The following ACVR1C variants were observed in gnomAD, a reference collection of about 807,000 sequenced individuals.
The protein encoded by ACVR1C is activin receptor type-1C.
Under a neutral mutation model 57.9 loss-of-function variants are expected in ACVR1C, and 23 were observed. The ratio of observed to expected loss-of-function variants is 0.40; its 90% CI spans 0.29 to 0.56. The LOEUF is 0.56. ACVR1C is among the 20% of genes least tolerant of loss of function. The pLI is 0.50. For missense variants in ACVR1C, 480 were observed against 607.9 expected, an observed-to-expected ratio of 0.79 and a Z score of 2.21; for synonymous variants, 214 against 215.3, an observed-to-expected ratio of 0.99 and a Z score of 0.05.
chr2:157,627,337 T>C (rs1682919005), intron 1 of ACVR1C, among the ~76,000 whole-genome samples: 1 of 152,212 alleles, frequency 6.6e-6, no homozygotes, highest in South Asian at 2.1e-4. Context: ...TAACTCTAAA[T>C]GCAAATATTT....
rs1486221614 is a variant in ACVR1C at position 157,628,560 on chromosome 2, C to G, written c.73+12G>C. ...ACCCTCGCGGGCGTCGGGAGAGAAA[C>G]CAGCACCGTACCTGGCGAGAGCTCG... On this transcript the variant is annotated intron_variant, in intron 1 of 8. Coordinates refer to ENST00000243349, the MANE Select transcript of ACVR1C (RefSeq NM_145259.3). 1 of 1,606,990 alleles carries G rather than the reference C, an allele frequency of 6.2e-7. No individual in the cohort carries two copies. The highest frequency in any genetic ancestry group is 1.1e-5 in the South Asian group (1 of 90,102).
intron 2 of ACVR1C, among the ~76,000 whole-genome samples, chr2:157,560,654 T>C (rs953055592): frequency 2.0e-5 from 3 of 152,246 alleles, no homozygotes; most frequent in Non-Finnish European, 2.9e-5. Flanking sequence ...TCATTTTTCA[T>C]AGGAGGACCT....
chr2:157,542,839 C>T lies in ACVR1C; in HGVS notation c.967G>A (p.Asp323Asn). 6.2e-7 allele frequency: 1 copy of T among 1,613,898 alleles called. No homozygotes were observed. The highest frequency in any genetic ancestry group is 1.1e-5 in the South Asian group (1 of 91,060). Residue 323 changes from aspartate (D) to asparagine (N), a missense_variant, in exon 6 of 9, where the codon GAC becomes AAC. Transcript: ENST00000243349. ...TQGKPAIAHR[D>N]IKSKNILVKK... is the part of the protein sequence containing the mutation. ...ACTAAGATATTCTTTGATTTTATGTCTCGATGAGCAATAGCAGGTTTACCT... is the reference window on the plus strand; with the variant it reads ...ACTAAGATATTCTTTGATTTTATGTTTCGATGAGCAATAGCAGGTTTACCT...
chr2:157,555,743 C>G (rs2105224709), intron 3 of ACVR1C, among the ~76,000 whole-genome samples: 1 of 152,254 alleles, frequency 6.6e-6, no homozygotes, highest in Admixed American at 6.5e-5. Context: ...CTTTTGTGTC[C>G]ATAAAACATT....
chr2:157,540,568 T>C (rs1687602932), intron 7 of ACVR1C, among the ~76,000 whole-genome samples: 3 of 152,084 alleles, frequency 2.0e-5, no homozygotes, highest in African/African-American at 7.2e-5. Flanking sequence ...AGTGTTGGGA[T>C]TACAGGCATG....
chr2:157,587,435 A>G lies in ACVR1C; in HGVS notation c.74-18T>C. On this transcript the variant is annotated intron_variant, in intron 1 of 8. Coordinates refer to ENST00000243349, the MANE Select transcript of ACVR1C (RefSeq NM_145259.3). ...CTTCAGTCCTGGAAAGAGTAAGGCA[A>G]AAAGATTTAAAATACAAAAGACATC... 6.5e-7 allele frequency: 1 copy of G among 1,534,188 alleles called. No individual in the cohort carries two copies. Among genetic ancestry groups the G allele is most frequent in the South Asian group, 1.1e-5 (1 of 89,178 alleles).
intron 1 of ACVR1C, among the ~76,000 whole-genome samples, chr2:157,588,881 G>GTATATATATATATATATATATATATA (rs1688995641): frequency 3.4e-5 from 2 of 58,620 alleles, no homozygotes; most frequent in African/African-American, 5.6e-5. Context: ...ATATATATAC[G>GTATATATATATATATATATATATATA]TGTGTGTGTA....
chr2:157,566,890 T>C (rs987880197), intron 2 of ACVR1C, among the ~76,000 whole-genome samples: 13 of 151,526 alleles, frequency 8.6e-5, no homozygotes, highest in African/African-American at 2.9e-4. Context: ...TGCCTGCCTC[T>C]GTAGGCTCCA....
intron 2 of ACVR1C, among the ~76,000 whole-genome samples, chr2:157,574,757 G>A (rs1204947417): frequency 6.6e-6 from 1 of 152,162 alleles, no homozygotes; most frequent in Non-Finnish European, 1.5e-5. Context: ...TCTCCCTCAT[G>A]GGAAAGAGAT....
rs200245985 is a variant in ACVR1C at position 157,549,660 on chromosome 2, T to TA, written c.775+501dup. Among the ~76,000 whole-genome samples the TA allele has an allele frequency of 6.5e-3, 987 of 152,164 alleles. 14 individuals carry two copies. Among genetic ancestry groups the TA allele is most frequent in the African/African-American group, 0.022 (925 of 41,520 alleles). The stretch of plus-strand genomic sequence containing the variant: ...CCGTTGGAAAGAGGAAAGGATTTTA[T>TA]ATAAATTAGACTTTCATATAGACTT... On this transcript the variant is annotated intron_variant, in intron 4 of 8. Coordinates refer to ENST00000243349, the MANE Select transcript of ACVR1C (RefSeq NM_145259.3).
intron 2 of ACVR1C, among the ~76,000 whole-genome samples, chr2:157,562,082 G>A (rs1410459037): frequency 6.6e-6 from 1 of 152,060 alleles, no homozygotes; most frequent in Admixed American, 6.6e-5. Context: ...GGATCATGAG[G>A]TAAAGAGATC....
intron 2 of ACVR1C, among the ~76,000 whole-genome samples, chr2:157,584,586 T>C (rs1688872049): frequency 6.6e-6 from 1 of 152,128 alleles, no homozygotes; most frequent in Non-Finnish European, 1.5e-5. Context: ...AAAGACTGAT[T>C]ATACCAAGTG....
chr2:157,572,306 T>G (rs1688530600), intron 2 of ACVR1C, among the ~76,000 whole-genome samples: 1 of 145,946 alleles, frequency 6.9e-6, no homozygotes, highest in Non-Finnish European at 1.5e-5. Context: ...GCATGGCACA[T>G]GTATACATAT....
intron 2 of ACVR1C, among the ~76,000 whole-genome samples, chr2:157,584,711 T>C (rs953873287): frequency 2.6e-5 from 4 of 152,222 alleles, no homozygotes; most frequent in Non-Finnish European, 5.9e-5. Flanking sequence ...ATACTTATCA[T>C]GTGACCCTGC....
At chr2:157,601,503 C>T (rs1056607564) in intron 1 of ACVR1C, among the ~76,000 whole-genome samples, 1 of 151,928 alleles carries the variant, frequency 6.6e-6, no homozygotes, top group Non-Finnish European at 1.5e-5. Flanking sequence ...TATAGGACCT[C>T]CAAAAAGTCT....
intron 1 of ACVR1C, among the ~76,000 whole-genome samples, chr2:157,599,161 C>G (rs1036833283): frequency 6.6e-6 from 1 of 151,440 alleles, no homozygotes; most frequent in Non-Finnish European, 1.5e-5. Flanking sequence ...AGTGAAACCC[C>G]GTCTCCACTA....
chr2:157,611,733 G>A (rs759780349), intron 1 of ACVR1C, among the ~76,000 whole-genome samples: 11 of 152,162 alleles, frequency 7.2e-5, no homozygotes, highest in Non-Finnish European at 1.5e-4. Context: ...AAGCTGGGGG[G>A]GCCAGCTCTT....
chr2:157,550,347 A>C lies in ACVR1C; in HGVS notation c.590T>G (p.Leu197Arg). 1.2e-6 allele frequency: 2 copies of C among 1,614,202 alleles called. No homozygotes were observed. Among genetic ancestry groups the C allele is most frequent in the Non-Finnish European group, 1.7e-6 (2 of 1,180,026 alleles). Residue 197 changes from leucine (L) to arginine (R), a missense_variant, in exon 4 of 9, where the codon CTT becomes CGT. Coordinates refer to ENST00000243349, the MANE Select transcript of ACVR1C (RefSeq NM_145259.3). ...VQRTIARTIV[L>R]QEIVGKGRFG... Reference sequence around the variant, plus strand: ...TCTACCTTTTCCTACTATTTCCTGAAGCACAATCGTCCTTGCAATTGTCCT... The same window carrying C: ...TCTACCTTTTCCTACTATTTCCTGACGCACAATCGTCCTTGCAATTGTCCT...
chr2:157,534,475 G>A (rs1687432266), intron 8 of ACVR1C, among the ~76,000 whole-genome samples: 2 of 152,046 alleles, frequency 1.3e-5, no homozygotes, highest in South Asian at 4.1e-4. Context: ...TATGGGACAT[G>A]AAAAACATCA....
Sources: allele counts gnomAD v4.1 joint callset (sites outside exome capture counted in the v4.1 genomes callset), GRCh38; gene constraint gnomAD v4.1.1; transcripts MANE v1.5; gene names NCBI Gene and HGNC (gene_info 2026-07-23, HGNC 2026-07-21).